Variants in FBXO32 observed in about 807,000 individuals in gnomAD.
The protein encoded by FBXO32 is F-box protein 32.
Under a neutral mutation model 48.3 loss-of-function variants are expected in FBXO32, and 15 were observed. The ratio of observed to expected loss-of-function variants is 0.31; its 90% CI spans 0.21 to 0.48. The LOEUF (loss-of-function observed/expected upper bound fraction) is 0.48, where lower values mean the gene tolerates loss of function less well. Ranked by LOEUF, FBXO32 falls within the 20% of genes least tolerant of loss-of-function variation. FBXO32 has a pLI of 0.99. For synonymous variants in FBXO32, 154 were observed against 165.9 expected, an observed-to-expected ratio of 0.93 and a Z score of 0.55; for missense variants, 309 against 432.7, an observed-to-expected ratio of 0.71 and a Z score of 2.54.
At chr8:123,514,143 A>G in intron 5 of FBXO32, 97 bp downstream of exon 5, 1 of 797,984 alleles carries the variant, frequency 1.3e-6, no homozygotes, top group Non-Finnish European at 2.0e-6. Context: ...ATCCATTCAC[A>G]TGTCTTTAAG....
chr8:123,529,259 G>C (rs565670005), intron 4 of FBXO32, among the ~76,000 whole-genome samples: 3 of 152,208 alleles, frequency 2.0e-5, no homozygotes, highest in Non-Finnish European at 4.4e-5. Context: ...GATACTCTTA[G>C]ATACGTGTTC....
chr8:123,524,847 C>A (rs534121714), intron 4 of FBXO32, among the ~76,000 whole-genome samples: 1 of 152,320 alleles, frequency 6.6e-6, no homozygotes, highest in Non-Finnish European at 1.5e-5. Flanking sequence ...GGGCCCGTGG[C>A]TCTGCTCTTT....
At chr8:123,512,457 A>C (rs1343764114) in intron 6 of FBXO32, among the ~76,000 whole-genome samples, 1 of 152,010 alleles carries the variant, frequency 6.6e-6, no homozygotes, top group Non-Finnish European at 1.5e-5. Context: ...AAATAAGCAA[A>C]GTGCTACATG....
chr8:123,508,960 GAAA>G, intron 6 of FBXO32, among the ~76,000 whole-genome samples: 1 of 152,082 alleles, frequency 6.6e-6, no homozygotes, highest in African/African-American at 2.4e-5. Flanking sequence ...ACGTATAAAA[GAAA>G]AATTAGTCAC....
intron 4 of FBXO32, among the ~76,000 whole-genome samples, chr8:123,519,690 A>G (rs950054192): frequency 6.6e-6 from 1 of 152,222 alleles, no homozygotes; most frequent in Non-Finnish European, 1.5e-5. Context: ...TAAACCACAG[A>G]GTCTACTTTC....
chr8:123,521,898 G>A (rs898723161), intron 4 of FBXO32, among the ~76,000 whole-genome samples: 1 of 152,094 alleles, frequency 6.6e-6, no homozygotes, highest in Admixed American at 6.6e-5. Context: ...ACTAGGCAGT[G>A]TCTCTCTCTG....
At chr8:123,517,141 G>A (rs1262923193) in intron 4 of FBXO32, among the ~76,000 whole-genome samples, 1 of 152,180 alleles carries the variant, frequency 6.6e-6, no homozygotes. Context: ...GCAGTCAGCT[G>A]TGCACTGTGA....
At chr8:123,517,534 AGAG>A (rs1436033484) in intron 4 of FBXO32, among the ~76,000 whole-genome samples, 3 of 151,538 alleles carry the variant, frequency 2.0e-5, no homozygotes, top group Non-Finnish European at 4.4e-5. Context: ...GAACCCTGGA[AGAG>A]GAGAAGACCT....
intron 1 of FBXO32, among the ~76,000 whole-genome samples, chr8:123,535,232 T>C (rs1042517399): frequency 6.6e-6 from 1 of 152,084 alleles, no homozygotes; most frequent in Non-Finnish European, 1.5e-5. Context: ...TACCCCAAGC[T>C]GCTGCTGCTT....
rs1324707782 is a variant in FBXO32, at chr8:123,513,456, C to T, written c.467-74G>A. On this transcript the variant is annotated intron_variant, in intron 5 of 8. Transcript: ENST00000517956. The surrounding 1 kb of genome is among the most constrained non-coding windows in gnomAD (Gnocchi z 4.3). ...CTGTATTTTACACATGAGCTTGTCTCTGTCTGTATTCCACTCATGTTACCC... is the reference window on the plus strand; with the variant it reads ...CTGTATTTTACACATGAGCTTGTCTTTGTCTGTATTCCACTCATGTTACCC... 6.3e-6 allele frequency: 8 copies of T among 1,277,384 alleles called. No homozygotes were observed. The African/African-American group carries it at 7.4e-5, about 12-fold the overall frequency. The allele number at this position is 1,277,384 out of a possible 1,614,324, so 79.1% of individuals were successfully genotyped here.
At chr8:123,535,695 C>G (rs1038959698) in intron 1 of FBXO32, among the ~76,000 whole-genome samples, 2 of 152,070 alleles carry the variant, frequency 1.3e-5, no homozygotes, top group African/African-American at 4.8e-5. Flanking sequence ...AAGTAAATCT[C>G]TGAATAATTT....
intron 4 of FBXO32, among the ~76,000 whole-genome samples, chr8:123,515,986 C>T (rs1241073226): frequency 1.3e-5 from 2 of 152,022 alleles, no homozygotes; most frequent in Admixed American, 6.5e-5. Context: ...AGCAAGACTC[C>T]ATCTTAAAAA....
At position 123,535,913 on chromosome 8, in the gene FBXO32, T is replaced by C. The variant is rs76628487; in HGVS notation, c.117-1099A>G. Among the ~76,000 whole-genome samples the C allele has an allele frequency of 3.0e-4, 45 of 152,244 alleles. No individual in the cohort carries two copies. In the East Asian group the frequency reaches 8.1e-3, roughly 27 times the overall value. ...GCTGAATTTAAAATGTAACTTGATT[T>C]ACATCTTTTTCAGATATACATCTGT... On this transcript the variant is annotated intron_variant, in intron 1 of 8. Transcript: ENST00000517956.
intron 2 of FBXO32, among the ~76,000 whole-genome samples, chr8:123,533,710 A>G (rs1267516865): frequency 6.6e-6 from 1 of 152,134 alleles, no homozygotes; most frequent in Admixed American, 6.5e-5. Flanking sequence ...TGGGAGGCTG[A>G]GGTAGGAGAA....
intron 1 of FBXO32, among the ~76,000 whole-genome samples, chr8:123,538,870 G>T (rs1360715189): frequency 1.3e-5 from 2 of 152,162 alleles, no homozygotes; most frequent in Non-Finnish European, 2.9e-5. Context: ...TTCCAGCCCA[G>T]TCTAAACTTT....
At chr8:123,539,438 GGTCTT>G (rs1421965954) in intron 1 of FBXO32, among the ~76,000 whole-genome samples, 1 of 152,114 alleles carries the variant, frequency 6.6e-6, no homozygotes, top group African/African-American at 2.4e-5. Context: ...AATAGCAGTT[GGTCTT>G]ACTTTCCCGT....
In FBXO32 at chr8:123,524,706, C is replaced by T. The variant is rs142073162; in HGVS notation, c.372+7192G>A. Reference sequence around the variant, plus strand: ...CTAATTTTTGTATTTTTAGTAGAGACGGGGTTTCACCATCTTGACCAGGCT... The same window carrying T: ...CTAATTTTTGTATTTTTAGTAGAGATGGGGTTTCACCATCTTGACCAGGCT... On this transcript the variant is annotated intron_variant, in intron 4 of 8. Transcript: ENST00000517956. Among the ~76,000 whole-genome samples the T allele has an allele frequency of 8.1e-3, 1,226 of 152,132 alleles. 15 individuals are homozygous for T. Among genetic ancestry groups the T allele is most frequent in the African/African-American group, 0.028 (1,150 of 41,484 alleles).
intron 4 of FBXO32, among the ~76,000 whole-genome samples, chr8:123,520,397 G>C (rs944179334): frequency 1.3e-5 from 2 of 152,090 alleles, no homozygotes; most frequent in African/African-American, 4.8e-5. Context: ...GGCACTCTGG[G>C]CATCCGGCAT....
intron 7 of FBXO32, 34 bp from the exon 8 acceptor site, chr8:123,504,781 A>G (rs1457496177): frequency 6.2e-7 from 1 of 1,602,540 alleles, no homozygotes; most frequent in Non-Finnish European, 8.5e-7. Context: ...AAATGACAGG[A>G]GAGTTTGTCA....
Sources: allele counts gnomAD v4.1 joint callset (sites outside exome capture counted in the v4.1 genomes callset), GRCh38; gene constraint gnomAD v4.1.1; non-coding constraint Gnocchi (gnomAD v3.1); transcripts MANE v1.5; gene names NCBI Gene and HGNC (gene_info 2026-07-23, HGNC 2026-07-21).